The following RASAL1 variants were observed in gnomAD, a reference collection of about 807,000 sequenced individuals.
The protein encoded by RASAL1 is RAS protein activator like 1.
Under a neutral mutation model 96.6 loss-of-function variants are expected in RASAL1, and 72 were observed. The observed-to-expected ratio is 0.75, with a 90% CI of 0.62 to 0.91. RASAL1 has a LOEUF of 0.91. RASAL1 is among the 40% of genes least tolerant of loss of function. The probability of loss-of-function intolerance (pLI) is 0.00; values close to 1 mark genes in which losing one functional copy is unlikely to be tolerated. For synonymous variants in RASAL1, 405 were observed against 430.4 expected (o/e 0.94, Z 0.73); for missense variants, 1,016 against 1,072.5 (o/e 0.95, Z 0.74).
At chr12:113,132,430 G>A (rs1037837683) in intron 1 of RASAL1, among the ~76,000 whole-genome samples, 10 of 152,174 alleles carry the variant, frequency 6.6e-5, no homozygotes, top group African/African-American at 2.4e-4. Flanking sequence ...GAATGACTGG[G>A]TTTATGGAGT....
chr12:113,131,196 G>T (rs1425682639), intron 1 of RASAL1, among the ~76,000 whole-genome samples: 1 of 150,356 alleles, frequency 6.7e-6, no homozygotes, highest in Non-Finnish European at 1.5e-5. Context: ...GAGGCCAGCA[G>T]GTTCTGAGTC....
At chr12:113,106,945 G>T in intron 15 of RASAL1, 152 bp downstream of exon 15, 1 of 871,610 alleles carries the variant, frequency 1.1e-6, no homozygotes, top group Non-Finnish European at 1.7e-6. Flanking sequence ...TCATCTCTGG[G>T]GCCTAGCACA....
chr12:113,117,488 A>G (rs928424443), intron 7 of RASAL1, among the ~76,000 whole-genome samples: 1 of 152,222 alleles, frequency 6.6e-6, no homozygotes, highest in African/African-American at 2.4e-5. Context: ...TTAGGGACAT[A>G]AATTTCTTCT....
chr12:113,109,956 G>A (rs1251861234), intron 13 of RASAL1, among the ~76,000 whole-genome samples: 9 of 152,248 alleles, frequency 5.9e-5, no homozygotes, highest in Non-Finnish European at 7.3e-5. Context: ...TCCCCGGGCC[G>A]GAGGAAGTCC....
chr12:113,103,705 G>C (rs1950541854), intron 18 of RASAL1: 1 of 594,394 alleles, frequency 1.7e-6, no homozygotes, highest in Admixed American at 3.0e-5. Context: ...GAGTACTTTA[G>C]AAATAACACG....
In RASAL1 at chr12:113,117,265, A is replaced by AG. The variant is rs919500863; in HGVS notation, c.643-105dup. ...GGAAGAACAGACTGCCCACCCACAG[A>AG]GGGGCAGAATGGCCTGCCAGGGGAC... On this transcript the variant is annotated intron_variant, in intron 7 of 20. Transcript: ENST00000548055. The AG allele has an allele frequency of 3.7e-6, 3 of 811,364 alleles. No homozygotes were observed. In the African/African-American group the frequency reaches 5.3e-5, roughly 14 times the overall value. The allele number at this position is 811,364 out of a possible 1,614,324, so 50.3% of individuals were successfully genotyped here.
Position 113,130,741 on chromosome 12 carries a change from G to T in RASAL1, c.122+144C>A. The T allele has an allele frequency of 1.5e-6, 1 of 649,864 alleles. No individual in the cohort carries two copies. The highest frequency in any genetic ancestry group is 1.8e-5 in the African/African-American group (1 of 54,876). 40.3% of individuals were successfully genotyped at this position (649,864 alleles called of 1,614,324 possible). ...TCGGGGAGAGGAGCTGGCAGTCCCA[G>T]CTGGACACAAATCACCCACCTGCAG... On this transcript the variant is annotated intron_variant, in intron 2 of 20. Transcript: ENST00000548055. This position sits in a 1 kb window ranked among gnomAD's most constrained non-coding sequence, Gnocchi z 5.1.
intron 2 of RASAL1, among the ~76,000 whole-genome samples, chr12:113,128,606 G>C (rs1046487101): frequency 2.6e-5 from 4 of 151,878 alleles, no homozygotes; most frequent in South Asian, 2.1e-4. Flanking sequence ...GAGACCAACA[G>C]ACATGCATAG....
chr12:113,104,163 T>A lies in RASAL1; in HGVS notation c.1966A>T (p.Lys656Ter). 2 of 1,607,466 alleles carry A rather than the reference T, an allele frequency of 1.2e-6. No homozygotes were observed. The highest frequency in any genetic ancestry group is 1.7e-6 in the Non-Finnish European group (2 of 1,175,336). The change falls in exon 17 of 21, where the codon AAG (lysine) becomes TAG (stop). Residue 656 changes from lysine (K) to a stop codon, truncating the protein, a stop_gained and splice_region_variant. Coordinates refer to ENST00000548055, the MANE Select transcript of RASAL1 (RefSeq NM_001301202.2). LOFTEE classifies it high-confidence loss of function. ...GALHTTYLQC[K>*]NVNELNQWLS... is the part of the protein sequence containing the mutation. ...TCCCCATCGCGGTGGGGTCTCACCTTGCACTGGAGGTAGGTGGTGTGCAGC... is the reference window on the plus strand; with the variant it reads ...TCCCCATCGCGGTGGGGTCTCACCTAGCACTGGAGGTAGGTGGTGTGCAGC...
At chr12:113,109,735 G>A (rs1950799866) in intron 13 of RASAL1, among the ~76,000 whole-genome samples, 1 of 152,160 alleles carries the variant, frequency 6.6e-6, no homozygotes. Context: ...GTAGGAGCTG[G>A]GTACCTAGAA....
chr12:113,099,835 G>A lies in RASAL1; in HGVS notation c.*94C>T. 1 of 1,487,182 alleles carries A rather than the reference G, an allele frequency of 6.7e-7. No individual in the cohort carries two copies. The highest frequency in any genetic ancestry group is 9.0e-7 in the Non-Finnish European group (1 of 1,108,080). The allele number at this position is 1,487,182 out of a possible 1,614,324, so 92.1% of individuals were successfully genotyped here. ...GGAGCCTCCAAACCACAGAATCAAAGAGGTCCAAGGAGACAGGAGACTCCC... is the reference window on the plus strand; with the variant it reads ...GGAGCCTCCAAACCACAGAATCAAAAAGGTCCAAGGAGACAGGAGACTCCC... On this transcript the variant is annotated 3_prime_UTR_variant, in exon 21 of 21. Transcript: ENST00000548055.
In RASAL1 at chr12:113,115,110, G is replaced by A. The variant is rs115315287; in HGVS notation, c.1068+90C>T. On this transcript the variant is annotated intron_variant, in intron 11 of 20. Coordinates refer to ENST00000548055, the MANE Select transcript of RASAL1 (RefSeq NM_001301202.2). This position sits in a 1 kb window ranked among gnomAD's most constrained non-coding sequence, Gnocchi z 4.1. ...GCAGCTCGGCTGCTCAGTGCTGTCTGAAGCCAGCTAAGTGAGGGAGCCAGG... is the reference window on the plus strand; with the variant it reads ...GCAGCTCGGCTGCTCAGTGCTGTCTAAAGCCAGCTAAGTGAGGGAGCCAGG... The A allele has an allele frequency of 4.2e-3, 5,813 of 1,396,686 alleles. 179 individuals carry two copies. In the African/African-American group the frequency reaches 0.071, roughly 17 times the overall value. The allele number at this position is 1,396,686 out of a possible 1,614,324, so 86.5% of individuals were successfully genotyped here.
In RASAL1 at chr12:113,130,055, C is replaced by G. The variant is rs1187585374; in HGVS notation, c.122+830G>C. ...TGACCCCTCCCCCAGGCAGGCTCCC[C>G]ACCCCCAGCTCTGAGCCCATCTGGA... On this transcript the variant is annotated intron_variant, in intron 2 of 20. Transcript: ENST00000548055. This position sits in a 1 kb window ranked among gnomAD's most constrained non-coding sequence, Gnocchi z 5.1. Among the ~76,000 whole-genome samples the G allele has an allele frequency of 1.3e-5, 2 of 152,050 alleles. No homozygotes were observed. The highest frequency in any genetic ancestry group is 2.9e-5 in the Non-Finnish European group (2 of 67,972).
chr12:113,108,591 G>A (rs1165118515), intron 13 of RASAL1, among the ~76,000 whole-genome samples: 1 of 152,198 alleles, frequency 6.6e-6, no homozygotes, highest in Non-Finnish European at 1.5e-5. Context: ...CACAGCTAAT[G>A]AGTGGCAAAG....
intron 19 of RASAL1, 136 bp from the exon 20 acceptor site, chr12:113,100,816 A>AT: frequency 1.4e-6 from 1 of 690,904 alleles, no homozygotes; most frequent in Non-Finnish European, 2.6e-6. Context: ...CATCATCTAC[A>AT]CAGCAAACAT....
Position 113,135,064 on chromosome 12 carries a change from C to T in RASAL1, c.65+334G>A, listed in dbSNP as rs372047200. ...TGCCTGGACTAAGGAAGAGACCCCC[C>T]GCTTTCTCCCCTCCCAGATCTGACA... is the stretch of plus-strand genomic sequence containing the variant. On this transcript the variant is annotated intron_variant, in intron 1 of 20. Transcript: ENST00000548055. This position sits in a 1 kb window ranked among gnomAD's most constrained non-coding sequence, Gnocchi z 5.7. Among the ~76,000 whole-genome samples the T allele has an allele frequency of 2.0e-5, 3 of 152,020 alleles. No individual in the cohort carries two copies. Among genetic ancestry groups the T allele is most frequent in the South Asian group, 2.1e-4 (1 of 4,806 alleles).
At chr12:113,102,127 ACTT>A in intron 18 of RASAL1, 118 bp from the exon 19 acceptor site, 1 of 1,265,770 alleles carries the variant, frequency 7.9e-7, no homozygotes, top group Non-Finnish European at 1.1e-6. Context: ...CAAACCTACT[ACTT>A]CTAGGCCACA....
Position 113,100,656 on chromosome 12 carries a change from G to T in RASAL1, c.2250C>A (p.Asn750Lys), listed in dbSNP as rs1342138212. ...QLRLKLLEDSNMDTTLEADTG... is the reference protein window; with the variant it reads ...QLRLKLLEDSKMDTTLEADTG... Reference sequence around the variant, plus strand: ...TGTCTGCCTCCAGAGTTGTATCCATGTTAGAATCCTCCAGTAATTTCAGCC... The same window carrying T: ...TGTCTGCCTCCAGAGTTGTATCCATTTTAGAATCCTCCAGTAATTTCAGCC... Residue 750 changes from asparagine (N) to lysine (K), a missense_variant, in exon 20 of 21, where the codon AAC (asparagine) becomes AAA (lysine). Physicochemically the swap from Asn to Lys is moderately conservative, Grantham distance 94 (BLOSUM62 0). Coordinates refer to ENST00000548055, the MANE Select transcript of RASAL1 (RefSeq NM_001301202.2). 4 of 1,610,206 alleles carry T rather than the reference G, an allele frequency of 2.5e-6. No individual in the cohort carries two copies. The African/African-American group carries it at 5.3e-5, about 22-fold the overall frequency.
chr12:113,133,895 C>T, intron 1 of RASAL1, among the ~76,000 whole-genome samples: 1 of 152,224 alleles, frequency 6.6e-6, no homozygotes, highest in East Asian at 1.9e-4. Context: ...TGACTCAAGT[C>T]CCTTCTCCAG....
Sources: gnomAD v4.1 joint callset for allele counts (sites outside exome capture counted in the v4.1 genomes callset) on GRCh38, gnomAD v4.1.1 for gene constraint, Gnocchi (gnomAD v3.1) non-coding constraint, MANE v1.5 for transcripts, NCBI Gene and HGNC (gene_info 2026-07-23, HGNC 2026-07-21) for gene names.